Variants in CYFIP1 observed in about 807,000 individuals in gnomAD.
CYFIP1 encodes cytoplasmic FMR1 interacting protein 1, also known as cytoplasmic FMR1-interacting protein 1.
CYFIP1 carries 58 observed loss-of-function variants against 163.5 expected under a neutral mutation model. The observed-to-expected ratio is 0.35, with a 90% CI of 0.29 to 0.44. The LOEUF (loss-of-function observed/expected upper bound fraction) is 0.44, where lower values mean the gene tolerates loss of function less well. CYFIP1 is among the 20% of genes least tolerant of loss of function. The pLI is 1.00. For missense variants in CYFIP1, 1,338 were observed against 1,653.8 expected, an observed-to-expected ratio of 0.81 and a Z score of 3.31; for synonymous variants, 663 against 660.7, an observed-to-expected ratio of 1.00 and a Z score of -0.05.
At chr15:22,934,398 G>C (rs1167227417) in intron 9 of CYFIP1, among the ~76,000 whole-genome samples, 3 of 148,250 alleles carry the variant, frequency 2.0e-5, no homozygotes, top group African/African-American at 7.5e-5. Flanking sequence ...TGTTAGCCAG[G>C]ATGGTCTCAA....
chr15:22,871,295 A>C, intron 30 of CYFIP1, among the ~76,000 whole-genome samples: 2 of 152,350 alleles, frequency 1.3e-5, no homozygotes, highest in East Asian at 3.9e-4. Context: ...GAATACATGA[A>C]TTGGATAAAG....
intron 6 of CYFIP1, 51 bp from the exon 7 acceptor site, chr15:22,939,558 A>T (rs773787505): frequency 4.1e-4 from 104 of 255,240 alleles, no homozygotes; most frequent in Admixed American, 6.8e-4. Flanking sequence ...TGCCACATTT[A>T]AAAAAAAAAA....
chr15:22,964,820 A>G (rs893599869), intron 1 of CYFIP1, among the ~76,000 whole-genome samples: 3 of 152,150 alleles, frequency 2.0e-5, no homozygotes, highest in African/African-American at 7.2e-5. Context: ...TGCCAACCCC[A>G]GCCCCGTCTG....
intron 13 of CYFIP1, among the ~76,000 whole-genome samples, 164 bp from the exon 14 acceptor site, chr15:22,919,022 T>C (rs558182647): frequency 2.1e-4 from 32 of 152,184 alleles, no homozygotes; most frequent in Admixed American, 3.3e-4. Flanking sequence ...TCCAAAGCCA[T>C]AGTCAATGGA....
intron 26 of CYFIP1, among the ~76,000 whole-genome samples, chr15:22,876,572 G>A (rs539790929): frequency 1.3e-5 from 2 of 152,226 alleles, no homozygotes; most frequent in East Asian, 3.9e-4. Flanking sequence ...GCCAGGTGCA[G>A]TGGCTCACGC....
intron 12 of CYFIP1, among the ~76,000 whole-genome samples, 167 bp from the exon 13 acceptor site, chr15:22,926,274 A>C (rs931206034): frequency 2.0e-5 from 3 of 152,230 alleles, no homozygotes; most frequent in Non-Finnish European, 4.4e-5. Context: ...CAGATGGGCA[A>C]AAGACCCTGG....
At chr15:22,961,534 A>T (rs2062682056) in intron 1 of CYFIP1, among the ~76,000 whole-genome samples, 1 of 151,950 alleles carries the variant, frequency 6.6e-6, no homozygotes. Flanking sequence ...GTGCACCACC[A>T]CGTCTGGCTA....
chr15:22,875,630 C>G (rs80138402), intron 26 of CYFIP1, among the ~76,000 whole-genome samples: 1 of 152,140 alleles, frequency 6.6e-6, no homozygotes, highest in East Asian at 1.9e-4. Context: ...CCATCCTTCC[C>G]TGCTAATTTG....
intron 16 of CYFIP1, among the ~76,000 whole-genome samples, chr15:22,915,725 G>C (rs1278796377): frequency 6.6e-6 from 1 of 152,046 alleles, no homozygotes; most frequent in East Asian, 1.9e-4. Flanking sequence ...CTCTAGCCTG[G>C]GTGACAGAGC....
intron 1 of CYFIP1, among the ~76,000 whole-genome samples, chr15:22,971,107 A>C (rs903361585): frequency 1.3e-5 from 2 of 152,170 alleles, no homozygotes; most frequent in Non-Finnish European, 2.9e-5. Flanking sequence ...ACAAAAAAGA[A>C]AAGTTAATTC....
chr15:22,904,018 G>T, intron 21 of CYFIP1, 113 bp from the exon 22 acceptor site: 1 of 969,884 alleles, frequency 1.0e-6, no homozygotes, highest in Non-Finnish European at 1.6e-6. Context: ...CTGCACGGAG[G>T]CAGCCCCCAG....
At chr15:22,904,118 C>A (rs1318967960) in intron 21 of CYFIP1, 1 of 599,946 alleles carries the variant, frequency 1.7e-6, no homozygotes. Context: ...TTCTCCACTG[C>A]AGTCACCTCC....
rs2059603444 is a variant in CYFIP1 at position 22,876,943 on chromosome 15, T to C, written c.3043-1672A>G. Among the ~76,000 whole-genome samples, 5 of 152,146 alleles carry C rather than the reference T, an allele frequency of 3.3e-5. No homozygotes were observed. In the South Asian group the frequency reaches 1.0e-3, roughly 32 times the overall value. On this transcript the variant is annotated intron_variant, in intron 26 of 30. Transcript: ENST00000617928. The stretch of plus-strand genomic sequence containing the variant: ...CCTAAGGGGTCTCTGACACTATCTC[T>C]ATCAATTCCACAAGGCTGTCTCCCC...
chr15:22,918,116 T>A (rs2061055298), intron 14 of CYFIP1, among the ~76,000 whole-genome samples, 181 bp from the exon 15 acceptor site: 2 of 151,696 alleles, frequency 1.3e-5, no homozygotes, highest in Non-Finnish European at 2.9e-5. Context: ...TAAAAAGGAG[T>A]CTGCCTTCTG....
chr15:22,964,154 A>C (rs1007558586), intron 1 of CYFIP1, among the ~76,000 whole-genome samples: 1 of 130,366 alleles, frequency 7.7e-6, no homozygotes, highest in African/African-American at 3.1e-5. Flanking sequence ...ATCACTTCAC[A>C]TACTTTTTTT....
At chr15:22,897,747 G>T (rs552100254) in intron 22 of CYFIP1, among the ~76,000 whole-genome samples, 1 of 152,308 alleles carries the variant, frequency 6.6e-6, no homozygotes, top group South Asian at 2.1e-4. Flanking sequence ...GCCTCCCAAA[G>T]TGCTGGGATT....
intron 1 of CYFIP1, among the ~76,000 whole-genome samples, chr15:22,963,530 A>G (rs2062772548): frequency 6.9e-6 from 1 of 145,152 alleles, no homozygotes; most frequent in African/African-American, 2.5e-5. Flanking sequence ...ATAACATAAC[A>G]TAACATAACA....
chr15:22,949,736 G>T (rs1332391573), intron 1 of CYFIP1, among the ~76,000 whole-genome samples: 1 of 151,946 alleles, frequency 6.6e-6, no homozygotes, highest in East Asian at 1.9e-4. Flanking sequence ...ACCTGGATGG[G>T]GTAAGATTTC....
intron 23 of CYFIP1, among the ~76,000 whole-genome samples, chr15:22,883,519 A>T (rs957792974): frequency 2.2e-4 from 33 of 152,142 alleles, no homozygotes; most frequent in Admixed American, 8.5e-4. Context: ...AATTTATTTT[A>T]AAAAAAAGCA....
Sources: allele counts gnomAD v4.1 joint callset (sites outside exome capture counted in the v4.1 genomes callset), GRCh38; gene constraint gnomAD v4.1.1; transcripts MANE v1.5; gene names NCBI Gene and HGNC (gene_info 2026-07-23, HGNC 2026-07-21).